Variants in KCNH5 observed in about 807,000 individuals in gnomAD.
KCNH5 encodes voltage-gated delayed rectifier potassium channel KCNH5.
KCNH5 carries 46 observed loss-of-function variants against 96.1 expected under a neutral mutation model. The ratio of observed to expected loss-of-function variants is 0.48; its 90% CI spans 0.38 to 0.61. The LOEUF (loss-of-function observed/expected upper bound fraction) is 0.61, where lower values mean the gene tolerates loss of function less well. Among genes scored for constraint, KCNH5 ranks in the 20% least tolerant of loss-of-function variants. The pLI is 0.00. For synonymous variants in KCNH5, 439 were observed against 449.8 expected (o/e 0.98, Z 0.30); for missense variants, 907 against 1,225.8 (o/e 0.74, Z 3.88).
At chr14:62,967,747 C>T (rs992829100) in intron 6 of KCNH5, among the ~76,000 whole-genome samples, 2 of 152,158 alleles carry the variant, frequency 1.3e-5, no homozygotes, top group East Asian at 3.9e-4. Context: ...CACAGAAAGA[C>T]AATAAACAGT....
chr14:62,797,827 T>C (rs1450320810), intron 9 of KCNH5, among the ~76,000 whole-genome samples: 2 of 151,962 alleles, frequency 1.3e-5, no homozygotes, highest in South Asian at 4.1e-4. Context: ...GCAATTCTCA[T>C]GCCTCAGCCT....
chr14:62,817,847 A>G (rs1446379617), intron 8 of KCNH5, among the ~76,000 whole-genome samples: 1 of 142,284 alleles, frequency 7.0e-6, no homozygotes, highest in Non-Finnish European at 1.5e-5. Flanking sequence ...TAATGGACAT[A>G]TATATACACA....
intron 8 of KCNH5, among the ~76,000 whole-genome samples, chr14:62,826,282 A>G (rs116297756): frequency 1.3e-5 from 2 of 151,996 alleles, no homozygotes; most frequent in East Asian, 3.9e-4. Context: ...CATGTTCTTT[A>G]TGCAGCCAAA....
At chr14:62,918,474 A>G (rs1005941080) in intron 7 of KCNH5, among the ~76,000 whole-genome samples, 2 of 152,196 alleles carry the variant, frequency 1.3e-5, no homozygotes, top group East Asian at 3.8e-4. Flanking sequence ...TGCAACACGT[A>G]AGATAAACGA....
intron 10 of KCNH5, among the ~76,000 whole-genome samples, chr14:62,708,905 T>C (rs1488353168): frequency 6.6e-6 from 1 of 152,250 alleles, no homozygotes; most frequent in Non-Finnish European, 1.5e-5. Context: ...CACTTTTGTA[T>C]GATTTTCCTT....
intron 7 of KCNH5, among the ~76,000 whole-genome samples, chr14:62,935,571 T>C (rs1202565406): frequency 1.3e-5 from 2 of 152,016 alleles, no homozygotes; most frequent in Non-Finnish European, 2.9e-5. Flanking sequence ...TAGGAAAAAA[T>C]AAAAGGCTTC....
At chr14:63,042,749 T>G (rs1891849304) in intron 1 of KCNH5, among the ~76,000 whole-genome samples, 1 of 152,188 alleles carries the variant, frequency 6.6e-6, no homozygotes, top group Non-Finnish European at 1.5e-5. Context: ...AAATGACAAC[T>G]GCGGGATATT....
intron 7 of KCNH5, among the ~76,000 whole-genome samples, chr14:62,871,665 G>A (rs183207537): frequency 1.3e-4 from 20 of 152,268 alleles, no homozygotes; most frequent in African/African-American, 4.8e-4. Flanking sequence ...TAAGCATTAG[G>A]CAAGAAAATG....
At chr14:62,909,013 A>G (rs1362015294) in intron 7 of KCNH5, among the ~76,000 whole-genome samples, 2 of 142,338 alleles carry the variant, frequency 1.4e-5, no homozygotes, top group Non-Finnish European at 3.0e-5. Context: ...TCTCAAACAT[A>G]GAAAACACTA....
chr14:63,016,817 A>C lies in KCNH5; in HGVS notation c.197+14T>G. The C allele has an allele frequency of 6.2e-7, 1 of 1,602,302 alleles. No individual in the cohort carries two copies. The highest frequency in any genetic ancestry group is 8.5e-7 in the Non-Finnish European group (1 of 1,175,822). ...AAATTTCAGAAAAGATTACTTAGCT[A>C]TTCTGTTACCTACCTGCAAGTGCTG... On this transcript the variant is annotated intron_variant, in intron 2 of 10. Transcript: ENST00000322893.
At chr14:62,742,558 C>T (rs867606197) in intron 10 of KCNH5, among the ~76,000 whole-genome samples, 1 of 152,164 alleles carries the variant, frequency 6.6e-6, no homozygotes, top group Admixed American at 6.5e-5. Context: ...GGGCTGAGGC[C>T]CATTGTATTT....
intron 5 of KCNH5, among the ~76,000 whole-genome samples, chr14:62,982,241 A>C (rs780773971): frequency 6.6e-6 from 1 of 152,172 alleles, no homozygotes; most frequent in African/African-American, 2.4e-5. Context: ...AGGCAGGAGA[A>C]CCACTTGAAT....
At chr14:63,017,155 T>C (rs1376819456) in intron 1 of KCNH5, among the ~76,000 whole-genome samples, 5 of 152,070 alleles carry the variant, frequency 3.3e-5, no homozygotes, top group Non-Finnish European at 7.4e-5. Flanking sequence ...CGAATTTATA[T>C]ACAAACTAAA....
intron 1 of KCNH5, among the ~76,000 whole-genome samples, chr14:63,043,045 T>A (rs1306212812): frequency 6.6e-6 from 1 of 152,118 alleles, no homozygotes; most frequent in Admixed American, 6.5e-5. Flanking sequence ...ATTATGAACA[T>A]GAAGTGTAAA....
intron 10 of KCNH5, among the ~76,000 whole-genome samples, chr14:62,738,658 T>A (rs1885209023): frequency 6.6e-6 from 1 of 152,158 alleles, no homozygotes. Flanking sequence ...CAATCATACT[T>A]AGGGCATCTG....
chr14:62,940,508 T>G (rs2140122833), intron 7 of KCNH5, among the ~76,000 whole-genome samples: 1 of 152,290 alleles, frequency 6.6e-6, no homozygotes, highest in South Asian at 2.1e-4. Context: ...TCCCACAACC[T>G]TTAGGATAAA....
chr14:63,025,994 C>T (rs201442339), intron 1 of KCNH5, among the ~76,000 whole-genome samples: 55 of 142,972 alleles, frequency 3.8e-4, no homozygotes, highest in African/African-American at 9.2e-4. Flanking sequence ...AAAAGCAGCA[C>T]GGTACTGGCA....
chr14:62,779,913 C>T lies in KCNH5; in HGVS notation c.1834G>A (p.Val612Ile), dbSNP rs1886174038. 2.5e-6 allele frequency: 4 copies of T among 1,612,212 alleles called. No individual in the cohort carries two copies. The highest frequency in any genetic ancestry group is 2.2e-5 in the East Asian group (1 of 44,850). Residue 612 changes from valine to isoleucine, a missense_variant, in exon 10 of 11, where the codon GTA becomes ATA. Physicochemically the swap from Val to Ile is conservative, Grantham distance 29. Coordinates refer to ENST00000322893, the MANE Select transcript of KCNH5 (RefSeq NM_139318.5). ...EVVAILGKGD[V>I]FGDIFWKETT... The stretch of plus-strand genomic sequence containing the variant: ...TCCTTCCAGAAGATGTCTCCAAATA[C>T]ATCACCCTTCCCTAGAAAACAGTAT...
Position 62,845,410 on chromosome 14 carries a change from CATAG to C in KCNH5, c.1569+4239_1569+4242del, listed in dbSNP as rs149699558. On this transcript the variant is annotated intron_variant, in intron 8 of 10. Transcript: ENST00000322893. ...TTAACTCATAATCAAAAGTCTATGG[CATAG>C]ATAGATAATTGATGATTGATATAAA... 7.3e-3 allele frequency among the ~76,000 whole-genome samples: 1,107 copies of C among 152,172 alleles called. 10 individuals are homozygous for C. Among genetic ancestry groups the C allele is most frequent in the African/African-American group, 0.025 (1,026 of 41,496 alleles).
Sources: allele counts gnomAD v4.1 joint callset (sites outside exome capture counted in the v4.1 genomes callset), GRCh38; gene constraint gnomAD v4.1.1; transcripts MANE v1.5; gene names NCBI Gene and HGNC (gene_info 2026-07-23, HGNC 2026-07-21).